The following DPT variants were observed in gnomAD, a reference collection of about 807,000 sequenced individuals.
DPT encodes the protein dermatopontin.
A neutral mutation model predicts 31.2 loss-of-function variants in DPT; 21 were observed. That is an observed-to-expected ratio of 0.67 (90% CI 0.48 to 0.97). DPT has a LOEUF of 0.97. Among genes scored for constraint, DPT ranks in the 50% least tolerant of loss-of-function variants. DPT has a pLI of 0.00. For missense variants in DPT, 262 were observed against 258.8 expected, an observed-to-expected ratio of 1.01 and a Z score of -0.08; for synonymous variants, 91 against 86.9, an observed-to-expected ratio of 1.05 and a Z score of -0.26.
At chr1:168,704,460 T>C (rs1228322937) in intron 2 of DPT, among the ~76,000 whole-genome samples, 2 of 152,256 alleles carry the variant, frequency 1.3e-5, no homozygotes, top group African/African-American at 4.8e-5. Context: ...TGCAGGAGAA[T>C]GGCGTGAACC....
Position 168,701,577 on chromosome 1 carries a change from T to C in DPT, c.432-453A>G, listed in dbSNP as rs559533483. Among the ~76,000 whole-genome samples, 196 of 152,220 alleles carry C rather than the reference T, an allele frequency of 1.3e-3. 2 individuals carry two copies. The highest frequency in any genetic ancestry group is 2.6e-3 in the Non-Finnish European group (178 of 68,032). ...GCATCACATGCAGTAAGGACGAGTC[T>C]ATGTATGTAAACATTTTGTTTCAAA... On this transcript the variant is annotated intron_variant, in intron 2 of 3. Coordinates refer to ENST00000367817, the MANE Select transcript of DPT (RefSeq NM_001937.5).
intron 2 of DPT, among the ~76,000 whole-genome samples, chr1:168,706,297 T>A (rs1269782002): frequency 6.6e-6 from 1 of 152,154 alleles, no homozygotes; most frequent in African/African-American, 2.4e-5. Flanking sequence ...TAAAAAGATG[T>A]CCCTTTCTGA....
chr1:168,701,266 A>C, intron 2 of DPT, 142 bp from the exon 3 acceptor site: 2 of 660,068 alleles, frequency 3.0e-6, no homozygotes, highest in Non-Finnish European at 5.4e-6. Context: ...CCACCAAACA[A>C]CTCCAGGCTG....
chr1:168,708,419 T>C (rs1416317176), intron 2 of DPT, among the ~76,000 whole-genome samples: 1 of 152,194 alleles, frequency 6.6e-6, no homozygotes, highest in Non-Finnish European at 1.5e-5. Context: ...TGGAAGGCAA[T>C]GGTTTTAGTA....
intron 2 of DPT, among the ~76,000 whole-genome samples, chr1:168,713,603 T>C (rs529061443): frequency 1.5e-3 from 233 of 152,208 alleles, no homozygotes; most frequent in Non-Finnish European, 1.9e-3. Flanking sequence ...AATATACACA[T>C]TCTCCTAGTC....
intron 2 of DPT, among the ~76,000 whole-genome samples, chr1:168,702,849 T>A (rs541086862): frequency 6.6e-6 from 1 of 152,080 alleles, no homozygotes; most frequent in Non-Finnish European, 1.5e-5. Context: ...TGACCTTAAG[T>A]GATCCACCCG....
At chr1:168,718,538 G>T (rs1386273204) in intron 1 of DPT, among the ~76,000 whole-genome samples, 6 of 152,200 alleles carry the variant, frequency 3.9e-5, no homozygotes, top group African/African-American at 1.4e-4. Context: ...TCAGGAGTTT[G>T]GTATGTGAAA....
At chr1:168,697,967 C>T (rs1341016723) in intron 3 of DPT, among the ~76,000 whole-genome samples, 6 of 152,176 alleles carry the variant, frequency 3.9e-5, no homozygotes, top group African/African-American at 1.4e-4. Context: ...AGGGCAAAAA[C>T]GAAGAGTTTT....
At chr1:168,711,518 C>T (rs1557848548) in intron 2 of DPT, among the ~76,000 whole-genome samples, 1 of 152,208 alleles carries the variant, frequency 6.6e-6, no homozygotes, top group Non-Finnish European at 1.5e-5. Flanking sequence ...AGGAATGTTG[C>T]TGCCTCAGCT....
intron 1 of DPT, among the ~76,000 whole-genome samples, chr1:168,725,215 ATTCCTTTCCTTTCCT>A (rs746132155): frequency 1.5e-4 from 17 of 110,770 alleles, no homozygotes; most frequent in Middle Eastern, 5.0e-3. Context: ...TTTCCTTTCC[ATTCCTTTCCTTTCCT>A]TTCCTTTCCT....
intron 3 of DPT, among the ~76,000 whole-genome samples, chr1:168,700,319 A>C (rs974406831): frequency 6.6e-6 from 1 of 152,132 alleles, no homozygotes. Context: ...CTCACCAGAC[A>C]CTGAACCTGC....
chr1:168,720,344 T>A (rs1366930693), intron 1 of DPT, among the ~76,000 whole-genome samples: 1 of 152,228 alleles, frequency 6.6e-6, no homozygotes, highest in Non-Finnish European at 1.5e-5. Context: ...CTTCTTGTTG[T>A]CTGCATTCTT....
chr1:168,721,466 A>G (rs969864835), intron 1 of DPT, among the ~76,000 whole-genome samples: 1 of 152,228 alleles, frequency 6.6e-6, no homozygotes, highest in African/African-American at 2.4e-5. Flanking sequence ...GTAATCTGAT[A>G]GAAAGACAGG....
intron 1 of DPT, among the ~76,000 whole-genome samples, chr1:168,725,995 A>G (rs1347472920): frequency 6.6e-6 from 1 of 152,192 alleles, no homozygotes; most frequent in East Asian, 1.9e-4. Flanking sequence ...TTTTTCACTG[A>G]GACTGGAGGC....
At chr1:168,723,834 T>A (rs1323150593) in intron 1 of DPT, among the ~76,000 whole-genome samples, 2 of 152,228 alleles carry the variant, frequency 1.3e-5, no homozygotes, top group Non-Finnish European at 2.9e-5. Context: ...TTTATTTTTT[T>A]AAATTTTATT....
intron 1 of DPT, among the ~76,000 whole-genome samples, chr1:168,724,421 T>C (rs1650191133): frequency 6.6e-6 from 1 of 152,188 alleles, no homozygotes; most frequent in African/African-American, 2.4e-5. Flanking sequence ...ATTTGGTCTT[T>C]CACTGCATAT....
At chr1:168,698,509 T>C (rs1649513642) in intron 3 of DPT, among the ~76,000 whole-genome samples, 1 of 152,170 alleles carries the variant, frequency 6.6e-6, no homozygotes, top group Admixed American at 6.5e-5. Flanking sequence ...AGGCTATTAA[T>C]TGATGCTGAG....
rs1649450609 is a variant in DPT, at chr1:168,695,657, A to C, written c.*892T>G. The stretch of plus-strand genomic sequence containing the variant: ...CAGGCCCAATCCAGGAGAGTTTGCC[A>C]GTAGCTCCCCAGGGTTCCAGGGTGT... On this transcript the variant is annotated 3_prime_UTR_variant, in exon 4 of 4. Transcript: ENST00000367817. 6.6e-6 allele frequency: 1 copy of C among 152,216 alleles called. No homozygotes were observed. Among genetic ancestry groups the C allele is most frequent in the Non-Finnish European group, 1.5e-5 (1 of 68,086 alleles). The allele number at this position is 152,216 out of a possible 1,614,324, so 9.4% of individuals were successfully genotyped here. A position where few individuals can be genotyped will look rare whatever the true frequency, so the allele number is the denominator to read the frequency against.
intron 1 of DPT, among the ~76,000 whole-genome samples, chr1:168,725,198 G>GCTTTTCTTTC (rs1650210441): frequency 2.8e-5 from 2 of 71,630 alleles, no homozygotes; most frequent in Admixed American, 1.5e-4. Context: ...TTCTTCCTTT[G>GCTTTTCTTTC]CTTTTCTTTC....
Sources: allele counts gnomAD v4.1 joint callset (sites outside exome capture counted in the v4.1 genomes callset), GRCh38; gene constraint gnomAD v4.1.1; transcripts MANE v1.5; gene names NCBI Gene and HGNC (gene_info 2026-07-23, HGNC 2026-07-21).